The following COL25A1 variants were observed in gnomAD, a reference collection of about 807,000 sequenced individuals.
COL25A1 encodes the protein collagen type XXV alpha 1 chain, also known as collagen alpha-1(XXV) chain.
COL25A1 carries 103 observed loss-of-function variants against 128.4 expected under a neutral mutation model. The observed-to-expected ratio is 0.80, with a 90% CI of 0.68 to 0.94. The LOEUF (loss-of-function observed/expected upper bound fraction) is 0.94. Among genes scored for constraint, COL25A1 ranks in the 40% least tolerant of loss-of-function variants. The pLI, the probability that COL25A1 is intolerant of heterozygous loss-of-function variation, is 0.00. For synonymous variants in COL25A1, 279 were observed against 277.2 expected (o/e 1.01, Z -0.06); for missense variants, 745 against 840.0 (o/e 0.89, Z 1.40).
intron 5 of COL25A1, among the ~76,000 whole-genome samples, chr4:109,023,022 G>A (rs1234122124): frequency 6.6e-6 from 1 of 152,132 alleles, no homozygotes; most frequent in Non-Finnish European, 1.5e-5. Flanking sequence ...AAAAAGCCTG[G>A]ATATCAGCAT....
chr4:109,076,503 A>G (rs1179036587), intron 3 of COL25A1, among the ~76,000 whole-genome samples: 1 of 152,146 alleles, frequency 6.6e-6, no homozygotes, highest in Admixed American at 6.6e-5. Context: ...CCTAATAAGA[A>G]TATCTGCTAC....
intron 24 of COL25A1, among the ~76,000 whole-genome samples, chr4:108,856,211 C>A (rs1419175385): frequency 6.6e-6 from 1 of 151,962 alleles, no homozygotes. Context: ...GTTTAGATGG[C>A]GATGAGAATT....
intron 3 of COL25A1, among the ~76,000 whole-genome samples, chr4:109,142,957 C>T (rs562790124): frequency 6.6e-6 from 1 of 152,220 alleles, no homozygotes; most frequent in African/African-American, 2.4e-5. Flanking sequence ...CATTATGATG[C>T]TAGCTGATTA....
At chr4:109,060,800 C>A (rs1003550004) in intron 3 of COL25A1, among the ~76,000 whole-genome samples, 3 of 152,038 alleles carry the variant, frequency 2.0e-5, no homozygotes, top group African/African-American at 7.2e-5. Flanking sequence ...AATATCAAGG[C>A]AATTTTTTAG....
At chr4:108,899,021 A>T in intron 15 of COL25A1, 133 bp downstream of exon 15, 1 of 678,492 alleles carries the variant, frequency 1.5e-6, no homozygotes, top group Non-Finnish European at 2.5e-6. Flanking sequence ...ATACCTACCT[A>T]CCTACCTATT....
Position 109,140,771 on chromosome 4 carries a change from G to A in COL25A1, c.368-90592C>T, listed in dbSNP as rs138526123. On this transcript the variant is annotated intron_variant, in intron 3 of 37. Transcript: ENST00000399132. Reference sequence around the variant, plus strand: ...GTGTATAGGAATGCTTGTGACTTTTGCACACTGACTTTGTATCCTGAGACT... The same window carrying A: ...GTGTATAGGAATGCTTGTGACTTTTACACACTGACTTTGTATCCTGAGACT... Among the ~76,000 whole-genome samples, 1,155 of 152,256 alleles carry A rather than the reference G, an allele frequency of 7.6e-3. 61 individuals carry two copies. The South Asian group carries it at 0.13, about 18-fold the overall frequency.
At chr4:109,066,689 C>A (rs1020406199) in intron 3 of COL25A1, among the ~76,000 whole-genome samples, 1 of 152,132 alleles carries the variant, frequency 6.6e-6, no homozygotes, top group Non-Finnish European at 1.5e-5. Flanking sequence ...GGATCTTGCT[C>A]TGTCTCCAGC....
At chr4:109,003,090 T>C (rs931879603) in intron 6 of COL25A1, among the ~76,000 whole-genome samples, 2 of 152,100 alleles carry the variant, frequency 1.3e-5, no homozygotes, top group Non-Finnish European at 2.9e-5. Flanking sequence ...CAAAAGCAAT[T>C]GCAACAAAAT....
At chr4:109,293,118 C>G (rs1320535574) in intron 3 of COL25A1, among the ~76,000 whole-genome samples, 1 of 152,038 alleles carries the variant, frequency 6.6e-6, no homozygotes, top group Non-Finnish European at 1.5e-5. Flanking sequence ...CAGCTCCCAG[C>G]ATTGACCTAA....
intron 3 of COL25A1, among the ~76,000 whole-genome samples, chr4:109,193,918 C>G (rs1775814240): frequency 6.6e-6 from 1 of 152,104 alleles, no homozygotes. Flanking sequence ...TTTATGATAT[C>G]TAGAGGAATA....
chr4:108,979,410 G>A (rs1452488465), intron 6 of COL25A1, among the ~76,000 whole-genome samples: 2 of 152,208 alleles, frequency 1.3e-5, no homozygotes, highest in African/African-American at 4.8e-5. Context: ...AGCTGGAAAA[G>A]AGAGATATAT....
At chr4:109,274,634 G>T (rs566073664) in intron 3 of COL25A1, among the ~76,000 whole-genome samples, 1 of 151,976 alleles carries the variant, frequency 6.6e-6, no homozygotes, top group Admixed American at 6.6e-5. Context: ...AATAATTTAA[G>T]AATTCATAGA....
intron 8 of COL25A1, among the ~76,000 whole-genome samples, chr4:108,949,151 A>G (rs1229475937): frequency 6.6e-6 from 1 of 152,204 alleles, no homozygotes; most frequent in Admixed American, 6.5e-5. Context: ...GATGATGTAG[A>G]AAAATAAAAC....
At chr4:108,914,999 T>C (rs1744700685) in intron 13 of COL25A1, among the ~76,000 whole-genome samples, 1 of 152,138 alleles carries the variant, frequency 6.6e-6, no homozygotes, top group Non-Finnish European at 1.5e-5. Context: ...CACATAGCAT[T>C]CTCTCTCAGA....
intron 5 of COL25A1, among the ~76,000 whole-genome samples, chr4:109,039,098 A>G (rs926074487): frequency 1.3e-5 from 2 of 152,016 alleles, no homozygotes; most frequent in Non-Finnish European, 2.9e-5. Flanking sequence ...CCCAGTCTCT[A>G]CATCTCCCCT....
chr4:109,012,460 G>A (rs1048657301), intron 5 of COL25A1, among the ~76,000 whole-genome samples: 25 of 152,296 alleles, frequency 1.6e-4, no homozygotes, highest in African/African-American at 4.3e-4. Flanking sequence ...CTCTGCTTGC[G>A]GGGAGGTGTG....
At chr4:109,001,382 A>AGATCCTGTCAGGTAGGCATCTGC (rs1755364384) in intron 6 of COL25A1, among the ~76,000 whole-genome samples, 2 of 152,174 alleles carry the variant, frequency 1.3e-5, no homozygotes, top group Non-Finnish European at 2.9e-5. Context: ...CAGGCATCTG[A>AGATCCTGTCAGGTAGGCATCTGC]GATCCTGTCA....
At chr4:108,886,478 G>GTTTTTTTTTTTTTTTTTTTTTTTTTTT (rs1376745333) in intron 18 of COL25A1, among the ~76,000 whole-genome samples, 1 of 125,388 alleles carries the variant, frequency 8.0e-6, no homozygotes, top group African/African-American at 3.1e-5. Context: ...GTGTGTGTGT[G>GTTTTTTTTTTTTTTTTTTTTTTTTTTT]TGTGTGTGTG....
chr4:109,174,145 C>T (rs1773847847), intron 3 of COL25A1, among the ~76,000 whole-genome samples: 1 of 152,172 alleles, frequency 6.6e-6, no homozygotes, highest in Non-Finnish European at 1.5e-5. Flanking sequence ...AAAAATTTAT[C>T]ACCTTCAGAA....
Sources: gnomAD v4.1 joint callset for allele counts (sites outside exome capture counted in the v4.1 genomes callset) on GRCh38, gnomAD v4.1.1 for gene constraint, MANE v1.5 for transcripts, NCBI Gene and HGNC (gene_info 2026-07-23, HGNC 2026-07-21) for gene names.